Variants in AGO3 observed in about 807,000 individuals in gnomAD.
AGO3 encodes argonaute RISC catalytic component 3.
A neutral mutation model predicts 105.5 loss-of-function variants in AGO3; 16 were observed. The ratio of observed to expected loss-of-function variants is 0.15; its 90% CI spans 0.10 to 0.23. The LOEUF (loss-of-function observed/expected upper bound fraction) is 0.23. AGO3 is among the 10% of genes least tolerant of loss of function. AGO3 has a pLI of 1.00. For synonymous variants in AGO3, 340 were observed against 367.3 expected (o/e 0.93, Z 0.85); for missense variants, 534 against 1,088.0 (o/e 0.49, Z 7.16).
At position 36,003,709 on chromosome 1, in the gene AGO3, A is replaced by AAATAT. The variant is rs1295618675; in HGVS notation, c.659-631_659-630insATATA. Among the ~76,000 whole-genome samples, 139 of 99,420 alleles carry AAATAT rather than the reference A, an allele frequency of 1.4e-3. 1 individual carries two copies. Among genetic ancestry groups the AAATAT allele is most frequent in the African/African-American group, 4.2e-3 (103 of 24,748 alleles). 65.2% of individuals were successfully genotyped at this position (99,420 alleles called of 152,430 possible). A position where few individuals can be genotyped will look rare whatever the true frequency, so the allele number is the denominator to read the frequency against. ...AAGTCTGTCTCAAAAAAAAAAAAAA[A>AAATAT]ATATATATATATATATATATATATA... On this transcript the variant is annotated intron_variant, in intron 5 of 18. Coordinates refer to ENST00000373191, the MANE Select transcript of AGO3 (RefSeq NM_024852.4).
rs183679138 is a variant in AGO3, at chr1:35,967,856, A to G, written c.312+781A>G. Among the ~76,000 whole-genome samples, 37 of 152,244 alleles carry G rather than the reference A, an allele frequency of 2.4e-4. 1 individual carries two copies. The highest frequency in any genetic ancestry group is 8.4e-4 in the African/African-American group (35 of 41,544). The stretch of plus-strand genomic sequence containing the variant: ...TCCAGTTTTACCAGTTTTTCCAATG[A>G]TGCCCTTTAGTATTATTTTTCTCCT... On this transcript the variant is annotated intron_variant, in intron 3 of 18. Coordinates refer to ENST00000373191, the MANE Select transcript of AGO3 (RefSeq NM_024852.4).
At chr1:35,981,094 T>G (rs1475091922) in intron 5 of AGO3, among the ~76,000 whole-genome samples, 2 of 152,320 alleles carry the variant, frequency 1.3e-5, no homozygotes, top group East Asian at 3.9e-4. Context: ...CTCTGAACTT[T>G]TTCTTCATAA....
In AGO3 at chr1:36,027,043, A is replaced by G; in HGVS notation, c.1407-71A>G. The G allele has an allele frequency of 6.6e-7, 1 of 1,509,680 alleles. No individual in the cohort carries two copies. Among genetic ancestry groups the G allele is most frequent in the Non-Finnish European group, 8.9e-7 (1 of 1,119,788 alleles). The allele number at this position is 1,509,680 out of a possible 1,614,324, so 93.5% of individuals were successfully genotyped here. ...CTTCATCCTTCCATTCCCTTCCCAA[A>G]CTTCCCATTACTACTTTGTAGGAAT... is the stretch of plus-strand genomic sequence containing the variant. On this transcript the variant is annotated intron_variant, in intron 11 of 18. Coordinates refer to ENST00000373191, the MANE Select transcript of AGO3 (RefSeq NM_024852.4). This position sits in a 1 kb window ranked among gnomAD's most constrained non-coding sequence, Gnocchi z 4.0.
intron 5 of AGO3, among the ~76,000 whole-genome samples, chr1:35,995,437 A>G (rs1003592476): frequency 6.6e-6 from 1 of 151,998 alleles, no homozygotes; most frequent in African/African-American, 2.4e-5. Context: ...CAGAATAGCT[A>G]CCAGAATAGA....
chr1:36,044,339 C>T lies in AGO3; in HGVS notation c.2274+791C>T, dbSNP rs1004981001. Among the ~76,000 whole-genome samples the T allele has an allele frequency of 8.0e-4, 122 of 151,954 alleles. 1 individual carries two copies. Among genetic ancestry groups the T allele is most frequent in the African/African-American group, 2.8e-3 (118 of 41,476 alleles). On this transcript the variant is annotated intron_variant, in intron 17 of 18. Transcript: ENST00000373191. ...CTCCAGGCTAGGTGACGGAGCCAGA[C>T]CTTGTCTCAAAAAATAAAAAAAAAT...
At chr1:36,050,648 C>T (rs947514696) in intron 17 of AGO3, among the ~76,000 whole-genome samples, 2 of 151,568 alleles carry the variant, frequency 1.3e-5, no homozygotes, top group Non-Finnish European at 2.9e-5. Context: ...AAAAATTAGC[C>T]GGGTGTGGTG....
chr1:35,930,838 C>G, upstream of AGO3: 1 of 193,026 alleles, frequency 5.2e-6, no homozygotes, highest in Admixed American at 6.1e-5. Flanking sequence ...CCAGCCGCGA[C>G]GTCGTCGCAG....
intron 1 of AGO3, among the ~76,000 whole-genome samples, chr1:35,945,213 CT>C (rs577859805): frequency 5.8e-4 from 84 of 145,638 alleles, no homozygotes; most frequent in Non-Finnish European, 6.3e-4. Context: ...CTTTTCTTTT[CT>C]TTTTTTTTTT....
chr1:35,972,427 C>T (rs1002757681), intron 4 of AGO3, among the ~76,000 whole-genome samples, 195 bp downstream of exon 4: 7 of 152,082 alleles, frequency 4.6e-5, no homozygotes, highest in South Asian at 2.1e-4. Context: ...AGTAACTATA[C>T]GTCATTAGCT....
chr1:36,049,988 T>G (rs1642638187), intron 17 of AGO3, among the ~76,000 whole-genome samples: 1 of 152,222 alleles, frequency 6.6e-6, no homozygotes, highest in African/African-American at 2.4e-5. Flanking sequence ...AACACCCCAC[T>G]GTCAGCGCTT....
intron 11 of AGO3, among the ~76,000 whole-genome samples, chr1:36,023,412 T>C (rs575655577): frequency 3.3e-5 from 5 of 152,314 alleles, no homozygotes; most frequent in Admixed American, 6.5e-5. Context: ...CAGAGTTTAA[T>C]TGAGGAAACA....
At chr1:36,025,420 AAAC>A (rs1481074999) in intron 11 of AGO3, among the ~76,000 whole-genome samples, 17 of 152,128 alleles carry the variant, frequency 1.1e-4, no homozygotes, top group Middle Eastern at 6.8e-3. Flanking sequence ...AAAAAAAAAA[AAAC>A]AAAACCATTT....
In AGO3 at chr1:36,067,550, A is replaced by C. The variant is rs1190726550; in HGVS notation, c.*11805A>C. 1 of 152,254 alleles carries C rather than the reference A, an allele frequency of 6.6e-6. No homozygotes were observed. Among genetic ancestry groups the C allele is most frequent in the Non-Finnish European group, 1.5e-5 (1 of 68,060 alleles). The allele number at this position is 152,254 out of a possible 1,614,324, so 9.4% of individuals were successfully genotyped here. ...TGGTGAAACCCTGTCTCTACTAAAA[A>C]TACAAAATTAGCTAGGCGTGGTGGC... On this transcript the variant is annotated 3_prime_UTR_variant, in exon 19 of 19. Transcript: ENST00000373191.
chr1:36,021,869 CCTT>C (rs958836433), intron 11 of AGO3, among the ~76,000 whole-genome samples: 16 of 151,988 alleles, frequency 1.1e-4, no homozygotes, highest in African/African-American at 3.9e-4. Context: ...ATCTATCTCT[CCTT>C]CTTTCCTCTC....
intron 5 of AGO3, chr1:35,982,783 ATGTCC>A: frequency 5.1e-6 from 3 of 593,602 alleles, no homozygotes; most frequent in Admixed American, 3.1e-5. Flanking sequence ...TTTAAGAACC[ATGTCC>A]AGAAAAAAAA....
chr1:36,041,072 CAAAAAAAAAAAAA>C (rs35842002), intron 16 of AGO3, among the ~76,000 whole-genome samples: 1 of 33,230 alleles, frequency 3.0e-5, no homozygotes, highest in East Asian at 9.9e-4. Context: ...AACTCCATCT[CAAAAAAAAAAAAA>C]AAAAAAAAAG....
At chr1:35,939,098 C>T (rs1004122184) in intron 1 of AGO3, among the ~76,000 whole-genome samples, 1 of 152,092 alleles carries the variant, frequency 6.6e-6, no homozygotes, top group Non-Finnish European at 1.5e-5. Context: ...ATTTCCAACT[C>T]TAGTGGGCAG....
rs1278486451 is a variant in AGO3 at position 36,058,226 on chromosome 1, TA to T, written c.*2485del. ...TGTATCACCAGTATAACTTTCCTTT[TA>T]AAATTAAGGTGATAGTAACAAAGGA... On this transcript the variant is annotated 3_prime_UTR_variant, in exon 19 of 19. Transcript: ENST00000373191. 1 of 152,216 alleles carries T rather than the reference TA, an allele frequency of 6.6e-6. No homozygotes were observed. The highest frequency in any genetic ancestry group is 1.5e-5 in the Non-Finnish European group (1 of 68,040). 9.4% of individuals were successfully genotyped at this position (152,216 alleles called of 1,614,324 possible).
chr1:35,963,206 T>A (rs998084620), intron 2 of AGO3, among the ~76,000 whole-genome samples: 1 of 152,192 alleles, frequency 6.6e-6, no homozygotes, highest in African/African-American at 2.4e-5. Context: ...ATTTCAACAT[T>A]GTTTTTGGGT....
Sources: allele counts gnomAD v4.1 joint callset (sites outside exome capture counted in the v4.1 genomes callset), GRCh38; gene constraint gnomAD v4.1.1; non-coding constraint Gnocchi (gnomAD v3.1); transcripts MANE v1.5; gene names NCBI Gene and HGNC (gene_info 2026-07-23, HGNC 2026-07-21).